RALYL: variants seen among roughly 807,000 people sequenced by gnomAD.
The protein encoded by RALYL is RALY RNA binding protein like.
A neutral mutation model predicts 35.1 loss-of-function variants in RALYL; 29 were observed. The ratio of observed to expected loss-of-function variants is 0.83; its 90% CI spans 0.61 to 1.13. The LOEUF is 1.13. Ranked by LOEUF, RALYL falls within the 50% of genes most tolerant of loss-of-function variation. The probability of loss-of-function intolerance (pLI) is 0.00; values close to 1 mark genes in which losing one functional copy is unlikely to be tolerated. For synonymous variants in RALYL, 120 were observed against 127.6 expected (o/e 0.94, Z 0.40); for missense variants, 359 against 360.4 (o/e 1.00, Z 0.03).
intron 5 of RALYL, among the ~76,000 whole-genome samples, chr8:84,853,496 T>C (rs1002019426): frequency 4.6e-5 from 7 of 152,240 alleles, no homozygotes; most frequent in African/African-American, 1.7e-4. Flanking sequence ...GGTGACTCTC[T>C]ACTATACAAG....
intron 8 of RALYL, among the ~76,000 whole-genome samples, chr8:84,905,959 C>A (rs151304524): frequency 2.4e-4 from 37 of 152,066 alleles, no homozygotes; most frequent in African/African-American, 8.7e-4. Context: ...GTAAAATATT[C>A]TACACAGAAA....
intron 2 of RALYL, among the ~76,000 whole-genome samples, chr8:84,583,354 T>C (rs1811271723): frequency 6.6e-6 from 1 of 152,154 alleles, no homozygotes; most frequent in Non-Finnish European, 1.5e-5. Flanking sequence ...TTATTTCACT[T>C]TGATAAAAAA....
At chr8:84,337,797 T>C (rs983752320) in intron 1 of RALYL, among the ~76,000 whole-genome samples, 3 of 152,076 alleles carry the variant, frequency 2.0e-5, no homozygotes, top group Non-Finnish European at 4.4e-5. Context: ...TAAAAGCTGG[T>C]AAAAGACACT....
chr8:84,621,200 C>G (rs1821339681), intron 2 of RALYL, among the ~76,000 whole-genome samples: 1 of 152,164 alleles, frequency 6.6e-6, no homozygotes, highest in Non-Finnish European at 1.5e-5. Context: ...TTGCTGCCCC[C>G]TTGCAGTCTG....
chr8:84,854,201 C>T (rs1836478255), intron 5 of RALYL, among the ~76,000 whole-genome samples: 1 of 151,856 alleles, frequency 6.6e-6, no homozygotes, highest in Admixed American at 6.6e-5. Context: ...CAAAAATTAG[C>T]CAGGTCTGGT....
chr8:84,435,416 AT>A (rs1350628331), intron 1 of RALYL, among the ~76,000 whole-genome samples: 18 of 152,182 alleles, frequency 1.2e-4, no homozygotes, highest in African/African-American at 3.9e-4. Context: ...TGCTAAATAT[AT>A]TGATTCAGAT....
chr8:84,659,186 G>A (rs1345417937), intron 2 of RALYL, among the ~76,000 whole-genome samples: 1 of 151,748 alleles, frequency 6.6e-6, no homozygotes, highest in Non-Finnish European at 1.5e-5. Context: ...TAAGATTGTA[G>A]AATGTTTATT....
intron 8 of RALYL, among the ~76,000 whole-genome samples, chr8:84,889,011 A>G (rs1271648864): frequency 6.6e-6 from 1 of 152,170 alleles, no homozygotes; most frequent in Non-Finnish European, 1.5e-5. Flanking sequence ...CGGCCTCCCA[A>G]AGAGCTGGGA....
At chr8:84,427,914 C>T (rs2046680479) in intron 1 of RALYL, among the ~76,000 whole-genome samples, 2 of 152,210 alleles carry the variant, frequency 1.3e-5, no homozygotes, top group South Asian at 2.1e-4. Context: ...GTATCTGCCA[C>T]ACTGCCTGGA....
At chr8:84,389,178 C>T (rs1268260094) in intron 1 of RALYL, among the ~76,000 whole-genome samples, 3 of 152,156 alleles carry the variant, frequency 2.0e-5, no homozygotes, top group Non-Finnish European at 2.9e-5. Flanking sequence ...TTTCTGAGGG[C>T]TCTGTTCTGT....
At chr8:84,709,516 G>T (rs1333397695) in intron 2 of RALYL, among the ~76,000 whole-genome samples, 1 of 151,464 alleles carries the variant, frequency 6.6e-6, no homozygotes, top group African/African-American at 2.4e-5. Context: ...TTAAAAGGTG[G>T]TGTACTGCAT....
At chr8:84,306,914 A>G (rs1388373990) in intron 1 of RALYL, among the ~76,000 whole-genome samples, 1 of 152,200 alleles carries the variant, frequency 6.6e-6, no homozygotes. Flanking sequence ...AACTTTTCCC[A>G]GTCTTAGCAT....
Position 84,518,833 on chromosome 8 carries a change from G to A in RALYL, c.-23-10466G>A, listed in dbSNP as rs148871000. On this transcript the variant is annotated intron_variant, in intron 1 of 8. Coordinates refer to ENST00000521268, the MANE Select transcript of RALYL (RefSeq NM_173848.7). ...AGCGATCTTAACTCCTGAGGGAGCT[G>A]TCATGATTGACAGTTTGAACAAAGA... Among the ~76,000 whole-genome samples, 385 of 152,276 alleles carry A rather than the reference G, an allele frequency of 2.5e-3. 1 individual carries two copies. Among genetic ancestry groups the A allele is most frequent in the African/African-American group, 8.5e-3 (354 of 41,566 alleles).
At chr8:84,576,631 A>G (rs1287569626) in intron 2 of RALYL, among the ~76,000 whole-genome samples, 1 of 152,128 alleles carries the variant, frequency 6.6e-6, no homozygotes, top group Non-Finnish European at 1.5e-5. Flanking sequence ...ACCTCACTAT[A>G]CTTATCCATA....
intron 2 of RALYL, among the ~76,000 whole-genome samples, chr8:84,623,566 G>A (rs1370552096): frequency 6.6e-6 from 1 of 152,104 alleles, no homozygotes; most frequent in Non-Finnish European, 1.5e-5. Flanking sequence ...AATTATTTTA[G>A]AGAGGTAGGG....
chr8:84,640,456 G>T (rs963317942), intron 2 of RALYL, among the ~76,000 whole-genome samples: 10 of 151,984 alleles, frequency 6.6e-5, no homozygotes. Flanking sequence ...GACATCAGAA[G>T]ATTGTGTTAA....
At chr8:84,848,977 T>C (rs1352465903) in intron 4 of RALYL, among the ~76,000 whole-genome samples, 1 of 152,198 alleles carries the variant, frequency 6.6e-6, no homozygotes, top group Admixed American at 6.5e-5. Context: ...CCCTTAAATC[T>C]CAGCTCTGTC....
Position 84,570,405 on chromosome 8 carries a change from G to A in RALYL, c.256+40828G>A, listed in dbSNP as rs145250579. On this transcript the variant is annotated intron_variant, in intron 2 of 8. Transcript: ENST00000521268. ...TTGAACATTATTGATGTGTAGAAACGTTACTGAGTTGTGTACATTGATTTC... is the reference window on the plus strand; with the variant it reads ...TTGAACATTATTGATGTGTAGAAACATTACTGAGTTGTGTACATTGATTTC... 3.0e-3 allele frequency among the ~76,000 whole-genome samples: 449 copies of A among 151,588 alleles called. 1 individual carries two copies. The highest frequency in any genetic ancestry group is 0.01 in the African/African-American group (416 of 41,390).
intron 1 of RALYL, among the ~76,000 whole-genome samples, chr8:84,195,130 A>G (rs2130920742): frequency 6.6e-6 from 1 of 152,244 alleles, no homozygotes; most frequent in East Asian, 1.9e-4. Flanking sequence ...CCCTCTTTTC[A>G]GAGTCTTCCA....
Sources: gnomAD v4.1 joint callset for allele counts (sites outside exome capture counted in the v4.1 genomes callset) on GRCh38, gnomAD v4.1.1 for gene constraint, MANE v1.5 for transcripts, NCBI Gene and HGNC (gene_info 2026-07-23, HGNC 2026-07-21) for gene names.